SAMD7: variants seen among roughly 807,000 people sequenced by gnomAD.
SAMD7 encodes sterile alpha motif domain containing 7.
A neutral mutation model predicts 36.7 loss-of-function variants in SAMD7; 34 were observed. That is an observed-to-expected ratio of 0.93 (90% CI 0.71 to 1.23). The LOEUF is 1.23. Among genes scored for constraint, SAMD7 ranks in the 50% most tolerant of loss-of-function variants. The pLI, the probability that SAMD7 is intolerant of heterozygous loss-of-function variation, is 0.00. For synonymous variants in SAMD7, 188 were observed against 189.7 expected (o/e 0.99, Z 0.07); for missense variants, 570 against 546.6 (o/e 1.04, Z -0.43).
intron 2 of SAMD7, 131 bp downstream of exon 2, chr3:169,915,572 A>ATTTT (rs1712761105): frequency 8.9e-6 from 1 of 112,428 alleles, no homozygotes; most frequent in African/African-American, 3.5e-5. Context: ...ATATATATAT[A>ATTTT]ATTTTTTTTT....
In SAMD7 at chr3:169,925,110, A is replaced by T; in HGVS notation, c.264A>T (p.Glu88Asp). 6.2e-7 allele frequency: 1 copy of T among 1,611,556 alleles called. No individual in the cohort carries two copies. Among genetic ancestry groups the T allele is most frequent in the South Asian group, 1.1e-5 (1 of 90,358 alleles). ...ESIKAVARRN[E>D]MIQRHHTART... ...TAAAGGCAGTGGCCAGAAGGAATGA[A>T]ATGATTCAACGGCATCATACTGCCA... The change falls in exon 5 of 9, where the codon GAA becomes GAT. Residue 88 changes from glutamate (E) to aspartate (D), a missense_variant. By Grantham distance (45) the Glu-to-Asp change is conservative. Transcript: ENST00000335556.
intron 2 of SAMD7, among the ~76,000 whole-genome samples, chr3:169,916,516 T>C (rs1161136145): frequency 6.6e-6 from 1 of 152,028 alleles, no homozygotes; most frequent in Non-Finnish European, 1.5e-5. Flanking sequence ...AGCGTGGTGG[T>C]GAGTGCCTGT....
At chr3:169,930,290 A>G (rs1002725777) in intron 7 of SAMD7, among the ~76,000 whole-genome samples, 10 of 152,152 alleles carry the variant, frequency 6.6e-5, no homozygotes, top group Admixed American at 6.5e-4. Context: ...GGTAGCAATT[A>G]TTTCTAGATA....
rs745945533 is a variant in SAMD7 at position 169,926,569 on chromosome 3, T to C, written c.307T>C (p.Tyr103His). The change falls in exon 6 of 9, where the codon TAT becomes CAT. Residue 103 changes from tyrosine (Y) to histidine (H), a missense_variant. Tyr to His is a moderately conservative substitution (Grantham distance 83, BLOSUM62 2). Coordinates refer to ENST00000335556, the MANE Select transcript of SAMD7 (RefSeq NM_001304366.2). The stretch of plus-strand genomic sequence containing the variant: ...TGTTTTTAGGACAGAAATGGAAATG[T>C]ATGCTATTTACCAGCAAAGGAGAAT... Reference protein sequence around the residue: ...HHTARTEMEMYAIYQQRRMEK... With the variant: ...HHTARTEMEMHAIYQQRRMEK... The C allele has an allele frequency of 1.2e-6, 2 of 1,608,086 alleles. No homozygotes were observed. The highest frequency in any genetic ancestry group is 1.7e-5 in the Admixed American group (1 of 59,050).
At chr3:169,935,001 A>C (rs1713669375) in intron 7 of SAMD7, among the ~76,000 whole-genome samples, 1 of 152,174 alleles carries the variant, frequency 6.6e-6, no homozygotes, top group Non-Finnish European at 1.5e-5. Context: ...CAGAAATAGA[A>C]CAACTGCAAA....
At chr3:169,924,735 T>C (rs1413233088) in intron 4 of SAMD7, among the ~76,000 whole-genome samples, 1 of 152,204 alleles carries the variant, frequency 6.6e-6, no homozygotes, top group East Asian at 1.9e-4. Context: ...ACGTATACTT[T>C]TAAAAGACCA....
chr3:169,931,367 G>A (rs75562593), intron 7 of SAMD7, among the ~76,000 whole-genome samples: 4,126 of 152,250 alleles, frequency 0.027, 179 homozygotes, highest in African/African-American at 0.094. Flanking sequence ...CACCATGGCT[G>A]AGGGTTAGAT....
chr3:169,919,363 G>A (rs1712945292), intron 2 of SAMD7, 95 bp from the exon 3 acceptor site: 1 of 691,390 alleles, frequency 1.4e-6, no homozygotes, highest in South Asian at 1.8e-5. Context: ...CAAGTGTTGT[G>A]AAAATACAAA....
At chr3:169,925,256 A>G in intron 5 of SAMD7, 120 bp downstream of exon 5, 1 of 592,822 alleles carries the variant, frequency 1.7e-6, no homozygotes, top group South Asian at 2.9e-5. Context: ...ACACACACAC[A>G]AATTACTTAC....
At chr3:169,919,268 C>T (rs1712942628) in intron 2 of SAMD7, among the ~76,000 whole-genome samples, 190 bp from the exon 3 acceptor site, 1 of 152,112 alleles carries the variant, frequency 6.6e-6, no homozygotes. Context: ...GCAACAAATT[C>T]CAAGGGCATA....
intron 6 of SAMD7, among the ~76,000 whole-genome samples, chr3:169,928,084 A>C (rs1713346170): frequency 6.6e-6 from 1 of 152,228 alleles, no homozygotes; most frequent in East Asian, 1.9e-4. Context: ...CAAAGTGTTA[A>C]TTTGCCATTC....
At chr3:169,931,954 G>A (rs1206973005) in intron 7 of SAMD7, 3 of 418,500 alleles carry the variant, frequency 7.2e-6, no homozygotes, top group Non-Finnish European at 1.2e-5. Flanking sequence ...CTTGATAAGT[G>A]AGCCAGAGAG....
At chr3:169,931,805 C>T (rs35104720) in intron 7 of SAMD7, among the ~76,000 whole-genome samples, 3,339 of 152,152 alleles carry the variant, frequency 0.022, 83 homozygotes, top group East Asian at 0.13. Context: ...TGCCCCTCCT[C>T]GGGGGCCATG....
chr3:169,931,672 G>T (rs1229815145), intron 7 of SAMD7, among the ~76,000 whole-genome samples: 1 of 152,152 alleles, frequency 6.6e-6, no homozygotes, highest in Non-Finnish European at 1.5e-5. Context: ...AATAGGAAAA[G>T]AAATAATTAC....
At position 169,938,410 on chromosome 3, in the gene SAMD7, T is replaced by C. The variant is rs1481034462; in HGVS notation, c.1245T>C (p.Leu415=). The C allele has an allele frequency of 1.9e-6, 3 of 1,609,312 alleles. No homozygotes were observed. In the Admixed American group the frequency reaches 5.0e-5, roughly 27 times the overall value. ...AFDQPADTSP[L]LDPNSWSDTM... is the part of the protein sequence containing the mutation. ...ATCAACCAGCAGATACATCCCCTCT[T>C]CTGGATCCTAATTCCTGGAGTGATA... The change falls in exon 9 of 9, where the codon CTT becomes CTC. Residue 415 remains leucine (L), a synonymous_variant. Transcript: ENST00000335556.
chr3:169,918,258 A>T (rs1712901597), intron 2 of SAMD7, among the ~76,000 whole-genome samples: 2 of 152,180 alleles, frequency 1.3e-5, no homozygotes, highest in African/African-American at 2.4e-5. Flanking sequence ...TTATTTTTAA[A>T]TGTACAATAC....
chr3:169,936,563 T>C (rs1233885175), intron 8 of SAMD7, 114 bp downstream of exon 8: 1 of 654,832 alleles, frequency 1.5e-6, no homozygotes, highest in Non-Finnish European at 2.7e-6. Context: ...TTTATTGCTT[T>C]CCCTCTGTGG....
chr3:169,922,940 T>C (rs1256222122), intron 4 of SAMD7, among the ~76,000 whole-genome samples: 1 of 152,252 alleles, frequency 6.6e-6, no homozygotes, highest in Non-Finnish European at 1.5e-5. Context: ...TTTAGCGCCA[T>C]GTGGCGGTCA....
intron 7 of SAMD7, among the ~76,000 whole-genome samples, chr3:169,935,098 CTG>C (rs1236763822): frequency 1.3e-5 from 2 of 152,156 alleles, no homozygotes; most frequent in Non-Finnish European, 2.9e-5. Context: ...CTCAGATTCC[CTG>C]AGACTGCAGA....
Sources: gnomAD v4.1 joint callset for allele counts (sites outside exome capture counted in the v4.1 genomes callset) on GRCh38, gnomAD v4.1.1 for gene constraint, MANE v1.5 for transcripts, NCBI Gene and HGNC (gene_info 2026-07-23, HGNC 2026-07-21) for gene names.